Variants in UBE2D2 observed in about 807,000 individuals in gnomAD.
UBE2D2 encodes the protein ubiquitin conjugating enzyme E2 D2, also known as ubiquitin-conjugating enzyme E2 D2.
A neutral mutation model predicts 24.2 loss-of-function variants in UBE2D2; 2 were observed. The ratio of observed to expected loss-of-function variants is 0.08; its 90% CI spans 0.03 to 0.26. The LOEUF (loss-of-function observed/expected upper bound fraction) is 0.26. UBE2D2 is among the 10% of genes least tolerant of loss of function. The probability of loss-of-function intolerance (pLI) is 1.00; values close to 1 mark genes in which losing one functional copy is unlikely to be tolerated. For missense variants in UBE2D2, 44 were observed against 177.6 expected (o/e 0.25, Z 4.28); for synonymous variants, 58 against 56.5 (o/e 1.03, Z -0.12).
intron 1 of UBE2D2, among the ~76,000 whole-genome samples, chr5:139,593,309 C>G (rs1042057719): frequency 3.9e-5 from 6 of 152,102 alleles, no homozygotes; most frequent in African/African-American, 9.6e-5. Context: ...TCAGACATTT[C>G]TAACTTGTAC....
rs550599034 is a variant in UBE2D2, at chr5:139,615,112, C to T, written c.304+146C>T. Reference sequence around the variant, plus strand: ...TGAAATGGACCTTGAGAACTGAAAACGAGTTGGATTTTTCAAGCAAAAGTA... The same window carrying T: ...TGAAATGGACCTTGAGAACTGAAAATGAGTTGGATTTTTCAAGCAAAAGTA... On this transcript the variant is annotated intron_variant, in intron 5 of 6. Coordinates refer to ENST00000398733, the MANE Select transcript of UBE2D2 (RefSeq NM_003339.3). 1.2e-4 allele frequency: 103 copies of T among 836,398 alleles called. No homozygotes were observed. In the East Asian group the frequency reaches 2.2e-3, roughly 18 times the overall value. The allele number at this position is 836,398 out of a possible 1,614,324, so 51.8% of individuals were successfully genotyped here.
At chr5:139,609,276 C>G (rs1224196642) in intron 2 of UBE2D2, among the ~76,000 whole-genome samples, 1 of 151,978 alleles carries the variant, frequency 6.6e-6, no homozygotes, top group Non-Finnish European at 1.5e-5. Context: ...GGTGTGGTGA[C>G]CCACACCTAT....
chr5:139,625,588 C>T (rs911095497), intron 6 of UBE2D2, among the ~76,000 whole-genome samples: 1 of 151,472 alleles, frequency 6.6e-6, no homozygotes, highest in African/African-American at 2.4e-5. Context: ...GGACCACAGG[C>T]AGATGCCATC....
At chr5:139,580,549 C>T (rs912497073) in intron 1 of UBE2D2, among the ~76,000 whole-genome samples, 1 of 152,194 alleles carries the variant, frequency 6.6e-6, no homozygotes, top group Non-Finnish European at 1.5e-5. Context: ...GCAACCTCCG[C>T]CTCCCGGGTT....
At chr5:139,616,355 A>G (rs1754421862) in intron 5 of UBE2D2, among the ~76,000 whole-genome samples, 1 of 151,940 alleles carries the variant, frequency 6.6e-6, no homozygotes, top group African/African-American at 2.4e-5. Context: ...TATTTATCAG[A>G]TCTCACTGCT....
chr5:139,549,167 C>T (rs1176621904), intron 1 of UBE2D2, among the ~76,000 whole-genome samples: 1 of 152,164 alleles, frequency 6.6e-6, no homozygotes, highest in East Asian at 1.9e-4. Flanking sequence ...TGGTTCTAAA[C>T]CACTGAGAGG....
intron 1 of UBE2D2, among the ~76,000 whole-genome samples, chr5:139,593,529 A>G (rs1427675593): frequency 6.6e-6 from 1 of 151,954 alleles, no homozygotes; most frequent in Non-Finnish European, 1.5e-5. Flanking sequence ...ATACATTGTT[A>G]TATATACATT....
chr5:139,567,993 A>T (rs575992925), intron 1 of UBE2D2, among the ~76,000 whole-genome samples: 2 of 152,332 alleles, frequency 1.3e-5, no homozygotes, highest in South Asian at 4.1e-4. Context: ...TTGGGAAGTT[A>T]CCGAAGCATG....
intron 1 of UBE2D2, among the ~76,000 whole-genome samples, chr5:139,540,214 G>A (rs182033563): frequency 3.3e-5 from 5 of 152,052 alleles, no homozygotes; most frequent in African/African-American, 4.8e-5. Context: ...CCACCACGCC[G>A]GGCTATACTA....
At chr5:139,589,697 T>C (rs1175811427) in intron 1 of UBE2D2, among the ~76,000 whole-genome samples, 1 of 152,210 alleles carries the variant, frequency 6.6e-6, no homozygotes, top group Non-Finnish European at 1.5e-5. Context: ...AACATCTCAA[T>C]AAATAGCAAA....
At chr5:139,567,191 C>T (rs990092227) in intron 1 of UBE2D2, among the ~76,000 whole-genome samples, 3 of 151,934 alleles carry the variant, frequency 2.0e-5, no homozygotes, top group Admixed American at 6.6e-5. Context: ...CCTCCGCCTC[C>T]CAGGTTCAAG....
In UBE2D2 at chr5:139,610,702, G is replaced by A. The variant is rs148059617; in HGVS notation, c.89-3884G>A. On this transcript the variant is annotated intron_variant, in intron 2 of 6. Coordinates refer to ENST00000398733, the MANE Select transcript of UBE2D2 (RefSeq NM_003339.3). Reference sequence around the variant, plus strand: ...AGCCTGGGCAACGTAACAAAATCCCGTCTCTACAGAAAATAGAAAAATTAG... The same window carrying A: ...AGCCTGGGCAACGTAACAAAATCCCATCTCTACAGAAAATAGAAAAATTAG... Among the ~76,000 whole-genome samples the A allele has an allele frequency of 5.3e-3, 798 of 151,762 alleles. 11 individuals are homozygous for A. Among genetic ancestry groups the A allele is most frequent in the African/African-American group, 0.018 (757 of 41,354 alleles).
At chr5:139,547,349 C>G (rs1246345828) in intron 1 of UBE2D2, among the ~76,000 whole-genome samples, 2 of 152,038 alleles carry the variant, frequency 1.3e-5, no homozygotes, top group African/African-American at 4.8e-5. Flanking sequence ...TATCATGAGT[C>G]AGGGGGTAAT....
At chr5:139,625,804 C>T (rs867218945) in intron 6 of UBE2D2, among the ~76,000 whole-genome samples, 1 of 151,708 alleles carries the variant, frequency 6.6e-6, no homozygotes, top group Non-Finnish European at 1.5e-5. Context: ...GGGATTTTGC[C>T]ATGTTGGCCA....
intron 2 of UBE2D2, among the ~76,000 whole-genome samples, chr5:139,603,121 C>T (rs982025268): frequency 6.6e-6 from 1 of 152,170 alleles, no homozygotes; most frequent in Non-Finnish European, 1.5e-5. Flanking sequence ...GGGCCACATA[C>T]ATCAGTGTAC....
chr5:139,613,289 TTCTACC>T (rs887680036), intron 2 of UBE2D2, among the ~76,000 whole-genome samples: 1 of 152,214 alleles, frequency 6.6e-6, no homozygotes, highest in Non-Finnish European at 1.5e-5. Flanking sequence ...TTCATGTTTC[TTCTACC>T]TTGTGACAAG....
intron 2 of UBE2D2, among the ~76,000 whole-genome samples, chr5:139,601,651 C>T (rs1754079798): frequency 6.6e-6 from 1 of 151,708 alleles, no homozygotes; most frequent in Admixed American, 6.6e-5. Context: ...TGGCTCATGC[C>T]TCTAATCCCA....
In UBE2D2 at chr5:139,626,748, G is replaced by A; in HGVS notation, c.399-8G>A. ...TATGTTAAGCCAAGCTTCTCTTTGT[G>A]TGTACAGGTACAACAGAATAGCTCG... On this transcript the variant is annotated splice_polypyrimidine_tract_variant and splice_region_variant and intron_variant, in intron 6 of 6. Transcript: ENST00000398733. 6.2e-7 allele frequency: 1 copy of A among 1,613,466 alleles called. No homozygotes were observed.
intron 5 of UBE2D2, among the ~76,000 whole-genome samples, chr5:139,616,835 G>T (rs1009131675): frequency 1.3e-5 from 2 of 152,124 alleles, no homozygotes; most frequent in African/African-American, 4.8e-5. Flanking sequence ...AAAATTGGAG[G>T]TTACTTACAG....
Sources: gnomAD v4.1 joint callset for allele counts (sites outside exome capture counted in the v4.1 genomes callset) on GRCh38, gnomAD v4.1.1 for gene constraint, MANE v1.5 for transcripts, NCBI Gene and HGNC (gene_info 2026-07-23, HGNC 2026-07-21) for gene names.